The following DLEU7 variants were observed in gnomAD, a reference collection of about 807,000 sequenced individuals.
DLEU7 encodes leukemia-associated protein 7.
DLEU7 carries 17 observed loss-of-function variants against 16.0 expected under a neutral mutation model. That is an observed-to-expected ratio of 1.06 (90% CI 0.73 to 1.59). DLEU7 has a LOEUF of 1.59. DLEU7 is among the 40% of genes most tolerant of loss of function. The pLI is 0.00. For missense variants in DLEU7, 308 were observed against 314.9 expected (o/e 0.98, Z 0.17); for synonymous variants, 113 against 139.8 (o/e 0.81, Z 1.35).
At chr13:50,719,636 T>C (rs1873538504) in intron 1 of DLEU7, 1 of 152,190 alleles carries the variant, frequency 6.6e-6, no homozygotes, top group Non-Finnish European at 1.5e-5. Context: ...AAATCTCTTT[T>C]CTCTGTGTAG....
In DLEU7 at chr13:50,798,695, A is replaced by C. The variant is rs535476582; in HGVS notation, c.459+44493T>G. Among the ~76,000 whole-genome samples, 12 of 152,344 alleles carry C rather than the reference A, an allele frequency of 7.9e-5. No individual in the cohort carries two copies. The South Asian group carries it at 2.3e-3, about 29-fold the overall frequency. On this transcript the variant is annotated intron_variant, in intron 1 of 1. Transcript: ENST00000400393. ...AACTCTCTGAGGCTGTCCGGGTCTC[A>C]TGTCAACCTCCAGGCCACTCTAGAA...
At chr13:50,775,561 G>C (rs1021754780) in intron 1 of DLEU7, among the ~76,000 whole-genome samples, 1 of 151,960 alleles carries the variant, frequency 6.6e-6, no homozygotes, top group African/African-American at 2.4e-5. Flanking sequence ...ACTAGGAATC[G>C]GCCAATTATT....
chr13:50,753,744 A>G (rs991853574), intron 1 of DLEU7, among the ~76,000 whole-genome samples: 1 of 152,196 alleles, frequency 6.6e-6, no homozygotes, highest in African/African-American at 2.4e-5. Flanking sequence ...CATCCCAGAA[A>G]GGGGCTCCCA....
chr13:50,803,883 G>A (rs1299365290), intron 1 of DLEU7, among the ~76,000 whole-genome samples: 2 of 151,980 alleles, frequency 1.3e-5, no homozygotes, highest in African/African-American at 4.8e-5. Context: ...TTTTTGTTAT[G>A]ACTTCTGAGA....
chr13:50,798,215 T>C (rs1876153468), intron 1 of DLEU7, among the ~76,000 whole-genome samples: 1 of 152,174 alleles, frequency 6.6e-6, no homozygotes. Context: ...TCATTGAAAG[T>C]GACCTAACCC....
intron 1 of DLEU7, among the ~76,000 whole-genome samples, chr13:50,725,717 G>A (rs1593529285): frequency 6.6e-6 from 1 of 152,138 alleles, no homozygotes; most frequent in Admixed American, 6.5e-5. Context: ...TCCACCTACA[G>A]CCATGGTTCA....
chr13:50,743,555 T>C (rs1247669576), intron 1 of DLEU7, among the ~76,000 whole-genome samples: 2 of 152,154 alleles, frequency 1.3e-5, no homozygotes. Flanking sequence ...TGCAGGATGT[T>C]TAAAAGGAAT....
intron 1 of DLEU7, among the ~76,000 whole-genome samples, chr13:50,766,221 G>A (rs1043793161): frequency 6.6e-6 from 1 of 152,186 alleles, no homozygotes; most frequent in Non-Finnish European, 1.5e-5. Context: ...ATTGGATGCT[G>A]TTTAAAGAAG....
chr13:50,816,400 A>C (rs1032019640), intron 1 of DLEU7, among the ~76,000 whole-genome samples: 2 of 152,192 alleles, frequency 1.3e-5, no homozygotes, highest in Non-Finnish European at 2.9e-5. Flanking sequence ...AGTATCATGT[A>C]AACTGAGACT....
intron 1 of DLEU7, among the ~76,000 whole-genome samples, chr13:50,824,216 C>A (rs758611891): frequency 6.6e-6 from 1 of 152,134 alleles, no homozygotes; most frequent in Non-Finnish European, 1.5e-5. Context: ...GAACAGTTCC[C>A]AGGTAGTTTA....
intron 1 of DLEU7, among the ~76,000 whole-genome samples, chr13:50,789,469 G>T (rs1027210211): frequency 6.7e-6 from 1 of 149,038 alleles, no homozygotes; most frequent in Non-Finnish European, 1.5e-5. Context: ...TTGAGAGCAG[G>T]AAACTCATGG....
intron 1 of DLEU7, among the ~76,000 whole-genome samples, chr13:50,724,302 T>C (rs1167594773): frequency 6.6e-6 from 1 of 152,186 alleles, no homozygotes; most frequent in Non-Finnish European, 1.5e-5. Context: ...CTACCAGTGT[T>C]CTATTTATTA....
At chr13:50,795,945 C>T (rs1278851094) in intron 1 of DLEU7, among the ~76,000 whole-genome samples, 2 of 152,140 alleles carry the variant, frequency 1.3e-5, no homozygotes, top group African/African-American at 4.8e-5. Context: ...TCAGTAGACA[C>T]TTTTGGCCTA....
rs145559906 is a variant in DLEU7 at position 50,724,407 on chromosome 13, T to C, written c.460-11167A>G. On this transcript the variant is annotated intron_variant, in intron 1 of 1. Transcript: ENST00000400393. ...GCTCCCAGGCAACATCAGAGTGAGA[T>C]ATTTTTGTGAGTCTCAGATATTATT... Among the ~76,000 whole-genome samples the C allele has an allele frequency of 2.6e-3, 399 of 152,286 alleles. 1 individual carries two copies. The highest frequency in any genetic ancestry group is 9.3e-3 in the African/African-American group (385 of 41,564).
chr13:50,807,700 G>A (rs774486781), intron 1 of DLEU7, among the ~76,000 whole-genome samples: 3 of 152,132 alleles, frequency 2.0e-5, no homozygotes, highest in Non-Finnish European at 4.4e-5. Flanking sequence ...TCATAAGCCA[G>A]CCCGGGCATC....
intron 1 of DLEU7, among the ~76,000 whole-genome samples, chr13:50,816,892 C>T (rs188887816): frequency 4.7e-4 from 72 of 152,010 alleles, no homozygotes; most frequent in South Asian, 8.4e-4. Context: ...GCACTACCCC[C>T]GCCACACACA....
At chr13:50,754,024 G>A (rs1874675641) in intron 1 of DLEU7, among the ~76,000 whole-genome samples, 1 of 152,184 alleles carries the variant, frequency 6.6e-6, no homozygotes, top group African/African-American at 2.4e-5. Context: ...TTTTCCCACT[G>A]TGGTCTGAGA....
intron 1 of DLEU7, among the ~76,000 whole-genome samples, chr13:50,764,124 C>T (rs932865698): frequency 3.3e-5 from 5 of 152,284 alleles, no homozygotes; most frequent in East Asian, 3.9e-4. Context: ...AGCACTGTCG[C>T]GCTCTGTGAT....
intron 1 of DLEU7, among the ~76,000 whole-genome samples, chr13:50,835,141 A>G (rs956342811): frequency 6.6e-6 from 1 of 152,210 alleles, no homozygotes; most frequent in Admixed American, 6.5e-5. Flanking sequence ...GTGTATACCT[A>G]TGTAACAAAC....
Sources: gnomAD v4.1 joint callset for allele counts (sites outside exome capture counted in the v4.1 genomes callset) on GRCh38, gnomAD v4.1.1 for gene constraint, MANE v1.5 for transcripts, NCBI Gene and HGNC (gene_info 2026-07-23, HGNC 2026-07-21) for gene names.